SPTBN2: variants seen among roughly 807,000 people sequenced by gnomAD.
SPTBN2 encodes spectrin beta chain, non-erythrocytic 2.
Under a neutral mutation model 284.2 loss-of-function variants are expected in SPTBN2, and 107 were observed. The ratio of observed to expected loss-of-function variants is 0.38; its 90% CI spans 0.32 to 0.44. SPTBN2 has a LOEUF of 0.44. SPTBN2 is among the 20% of genes least tolerant of loss of function. The probability of loss-of-function intolerance (pLI) is 1.00; values close to 1 mark genes in which losing one functional copy is unlikely to be tolerated. For synonymous variants in SPTBN2, 1,289 were observed against 1,354.8 expected (o/e 0.95, Z 1.07); for missense variants, 2,569 against 3,287.1 (o/e 0.78, Z 5.34).
chr11:66,714,266 A>G lies in SPTBN2; in HGVS notation c.575+50T>C. The G allele has an allele frequency of 1.9e-6, 3 of 1,606,780 alleles. No individual in the cohort carries two copies. In the South Asian group the frequency reaches 3.3e-5, roughly 18 times the overall value. On this transcript the variant is annotated intron_variant, in intron 6 of 37. Transcript: ENST00000533211. The stretch of plus-strand genomic sequence containing the variant: ...GCTCATGGTTCCTGGAGCCCAGCAC[A>G]GCCTGGGGGTCACTGACCCTCCAGT...
At chr11:66,724,852 T>G (rs905542280) in intron 1 of SPTBN2, among the ~76,000 whole-genome samples, 1 of 152,082 alleles carries the variant, frequency 6.6e-6, no homozygotes, top group Non-Finnish European at 1.5e-5. Flanking sequence ...TCTCCATACC[T>G]CCTTCCTTTC....
At position 66,698,770 on chromosome 11, in the gene SPTBN2, C is replaced by T. The variant is rs1449778004; in HGVS notation, c.3883G>A (p.Asp1295Asn). ...QDCHELKLWI[D>N]EKMLTAQDVS... Reference sequence around the variant, plus strand: ...TCCTGGGCTGTCAGCATCTTCTCGTCGATCCAGAGCTTCAGCTGGACCAAA... The same window carrying T: ...TCCTGGGCTGTCAGCATCTTCTCGTTGATCCAGAGCTTCAGCTGGACCAAA... Residue 1295 changes from aspartate to asparagine, a missense_variant, in exon 20 of 38, where the codon GAC becomes AAC. Transcript: ENST00000533211. 1.7e-5 allele frequency: 28 copies of T among 1,613,844 alleles called. No homozygotes were observed. The highest frequency in any genetic ancestry group is 2.3e-5 in the Non-Finnish European group (27 of 1,180,048).
At chr11:66,734,882 C>T (rs1312153413) in intron 1 of SPTBN2, among the ~76,000 whole-genome samples, 1 of 152,160 alleles carries the variant, frequency 6.6e-6, no homozygotes, top group South Asian at 2.1e-4. Context: ...TTTCTTTTAT[C>T]CCTAATCTAT....
intron 10 of SPTBN2, among the ~76,000 whole-genome samples, chr11:66,709,241 G>T (rs780744992): frequency 6.6e-6 from 1 of 152,170 alleles, no homozygotes; most frequent in Admixed American, 6.5e-5. Flanking sequence ...GCAGTGGTGC[G>T]ATCTGGGTTC....
rs1478933802 is a variant in SPTBN2 at position 66,707,598 on chromosome 11, C to T, written c.1571G>A (p.Arg524Gln). Reference sequence around the variant, plus strand: ...CTCCAGGTTGAGGAGGAGCCGCTCCCGCCGGGCGGCCACCATCTGCCGCAA... The same window carrying T: ...CTCCAGGTTGAGGAGGAGCCGCTCCTGCCGGGCGGCCACCATCTGCCGCAA... The part of the protein sequence containing the change: ...DFLRQMVAAR[R>Q]ERLLLNLELQ... Residue 524 changes from arginine (R) to glutamine (Q), a missense_variant, in exon 13 of 38, where the codon CGG becomes CAG. This residue lies in a region of SPTBN2 where 1,012 missense variants were observed against 1,248.9 expected (regional missense o/e 0.81). Transcript: ENST00000533211. The surrounding 1 kb of genome is among the most constrained non-coding windows in gnomAD (Gnocchi z 4.9). 3 of 1,611,586 alleles carry T rather than the reference C, an allele frequency of 1.9e-6. No individual in the cohort carries two copies. The highest frequency in any genetic ancestry group is 1.3e-5 in the African/African-American group (1 of 74,930).
Position 66,721,380 on chromosome 11 carries a change from TG to T in SPTBN2, c.-54del. 1 of 1,183,386 alleles carries T rather than the reference TG, an allele frequency of 8.5e-7. No individual in the cohort carries two copies. The highest frequency in any genetic ancestry group is 1.2e-6 in the Non-Finnish European group (1 of 807,888). The allele number at this position is 1,183,386 out of a possible 1,614,324, so 73.3% of individuals were successfully genotyped here. A position where few individuals can be genotyped will look rare whatever the true frequency, so the allele number is the denominator to read the frequency against. On this transcript the variant is annotated 5_prime_UTR_variant, in exon 2 of 38. Coordinates refer to ENST00000533211, the MANE Select transcript of SPTBN2 (RefSeq NM_006946.4). ...CTCCGCTCTCCTTGTGGCCAGAGGC[TG>T]CGGTTGGCTGCTCAGTGGAAATCAG...
intron 8 of SPTBN2, 139 bp downstream of exon 8, chr11:66,713,492 C>A: frequency 1.3e-6 from 1 of 762,364 alleles, no homozygotes; most frequent in Non-Finnish European, 2.4e-6. Flanking sequence ...AATTCCAGAA[C>A]ATTCTCTTCC....
chr11:66,720,231 G>A (rs185469926), intron 3 of SPTBN2, among the ~76,000 whole-genome samples: 4 of 152,252 alleles, frequency 2.6e-5, no homozygotes, highest in South Asian at 2.1e-4. Flanking sequence ...ACCACCTCTC[G>A]GTGAGAGTAG....
chr11:66,738,766 G>A (rs748260441), intron 1 of SPTBN2, among the ~76,000 whole-genome samples: 1 of 151,876 alleles, frequency 6.6e-6, no homozygotes, highest in African/African-American at 2.4e-5. Context: ...TGCCTGCCTC[G>A]GCCTCCCAAA....
At chr11:66,728,241 C>T (rs1285505879) in intron 1 of SPTBN2, 3 of 145,246 alleles carry the variant, frequency 2.1e-5, no homozygotes, top group Non-Finnish European at 4.6e-5. Flanking sequence ...GCAGCCCGGC[C>T]GCGACGGGCG....
intron 3 of SPTBN2, among the ~76,000 whole-genome samples, 170 bp downstream of exon 3, chr11:66,720,914 C>T (rs1015373390): frequency 2.6e-5 from 4 of 152,072 alleles, no homozygotes; most frequent in Non-Finnish European, 5.9e-5. Context: ...TCTGAATGGC[C>T]TGGAGCCTAT....
rs906517978 is a variant in SPTBN2, at chr11:66,691,777, C to T, written c.5191-119G>A. 1.5e-5 allele frequency: 22 copies of T among 1,448,234 alleles called. No individual in the cohort carries two copies. The highest frequency in any genetic ancestry group is 1.7e-4 in the Middle Eastern group (1 of 5,804). 89.7% of individuals were successfully genotyped at this position (1,448,234 alleles called of 1,614,324 possible). ...CCACCTCTCCCCGCTGCATGGGGGC[C>T]GGGACAGGTTTCTTCCCTGTGGTTA... On this transcript the variant is annotated intron_variant, in intron 26 of 37. Coordinates refer to ENST00000533211, the MANE Select transcript of SPTBN2 (RefSeq NM_006946.4). The surrounding 1 kb of genome is among the most constrained non-coding windows in gnomAD (Gnocchi z 8.0).
At chr11:66,703,972 C>CTTTTTTTTT (rs11286358) in intron 15 of SPTBN2, among the ~76,000 whole-genome samples, 3 of 109,724 alleles carry the variant, frequency 2.7e-5, no homozygotes, top group African/African-American at 6.4e-5. Context: ...TATTTCTTTT[C>CTTTTTTTTT]TTTTTTTTTT....
chr11:66,699,361 G>T (rs377057680), intron 18 of SPTBN2, 45 bp downstream of exon 18: 6 of 1,604,874 alleles, frequency 3.7e-6, no homozygotes, highest in Middle Eastern at 1.9e-4. Flanking sequence ...CTGTTTCTCC[G>T]ATTCCCCCCT....
intron 20 of SPTBN2, among the ~76,000 whole-genome samples, chr11:66,698,138 A>G (rs926995746): frequency 2.6e-5 from 4 of 152,250 alleles, no homozygotes; most frequent in African/African-American, 7.2e-5. Context: ...GGCAGACTAC[A>G]TACAGCCCAC....
At position 66,689,901 on chromosome 11, in the gene SPTBN2, G is replaced by A. The variant is rs1210836760; in HGVS notation, c.5853C>T (p.Gly1951=). 2 of 1,614,022 alleles carry A rather than the reference G, an allele frequency of 1.2e-6. No homozygotes were observed. Among genetic ancestry groups the A allele is most frequent in the Non-Finnish European group, 1.7e-6 (2 of 1,180,022 alleles). Residue 1951 remains glycine (G), a synonymous_variant, in exon 29 of 38, where the codon GGC becomes GGT. Transcript: ENST00000533211. The part of the protein sequence containing the change: ...SADLVIKNQQ[G]IKAEIEARAD... ...CCCGGGCCTCTATCTCTGCCTTGAT[G>A]CCTTGCTGGTTCTTGATGACTAGAT...
At chr11:66,735,862 T>C (rs1942848139) in intron 1 of SPTBN2, among the ~76,000 whole-genome samples, 1 of 152,160 alleles carries the variant, frequency 6.6e-6, no homozygotes. Flanking sequence ...CGAACTAAGT[T>C]GAGAAATAAA....
At chr11:66,696,096 T>C (rs1354240415) in intron 21 of SPTBN2, among the ~76,000 whole-genome samples, 181 bp downstream of exon 21, 1 of 152,186 alleles carries the variant, frequency 6.6e-6, no homozygotes, top group Non-Finnish European at 1.5e-5. Context: ...GTCTGTCTCC[T>C]AACTCTAACC....
intron 1 of SPTBN2, among the ~76,000 whole-genome samples, chr11:66,723,890 AT>A (rs1942523783): frequency 6.6e-6 from 1 of 152,084 alleles, no homozygotes; most frequent in Non-Finnish European, 1.5e-5. Flanking sequence ...GTGTAATTCC[AT>A]TTCTCTCGGC....
Sources: allele counts gnomAD v4.1 joint callset (sites outside exome capture counted in the v4.1 genomes callset), GRCh38; gene constraint gnomAD v4.1.1; regional missense constraint gnomAD v4.1.1; non-coding constraint Gnocchi (gnomAD v3.1); transcripts MANE v1.5; gene names NCBI Gene and HGNC (gene_info 2026-07-23, HGNC 2026-07-21).